The following ABCB1 variants were observed in gnomAD, a reference collection of about 807,000 sequenced individuals.
ABCB1 encodes ATP binding cassette subfamily B member 1, also known as ATP-dependent translocase ABCB1.
A neutral mutation model predicts 142.0 loss-of-function variants in ABCB1; 69 were observed. That is an observed-to-expected ratio of 0.49 (90% CI 0.40 to 0.59). The LOEUF (loss-of-function observed/expected upper bound fraction) is 0.59, where lower values mean the gene tolerates loss of function less well. Ranked by LOEUF, ABCB1 falls within the 20% of genes least tolerant of loss-of-function variation. The pLI is 0.00. For missense variants in ABCB1, 1,326 were observed against 1,554.7 expected (o/e 0.85, Z 2.47); for synonymous variants, 532 against 539.2 (o/e 0.99, Z 0.18).
intron 6 of ABCB1, among the ~76,000 whole-genome samples, 188 bp downstream of exon 6, chr7:87,566,597 C>T (rs1292765487): frequency 6.6e-6 from 1 of 152,056 alleles, no homozygotes; most frequent in Non-Finnish European, 1.5e-5. Flanking sequence ...CATGCAGGTC[C>T]CCCCATACCC....
At chr7:87,708,239 T>TTCTA (rs922338707) in intron 1 of ABCB1, among the ~76,000 whole-genome samples, 4 of 152,132 alleles carry the variant, frequency 2.6e-5, no homozygotes, top group Admixed American at 6.5e-5. Flanking sequence ...GTTGATAAGC[T>TTCTA]TCTAGCAAGA....
chr7:87,570,347 A>G (rs1817996344), intron 4 of ABCB1, 124 bp from the exon 5 acceptor site: 2 of 958,712 alleles, frequency 2.1e-6, no homozygotes, highest in East Asian at 2.4e-5. Context: ...GAACTGACTC[A>G]GTTTTAATTG....
At chr7:87,628,480 C>G (rs1266889895) in intron 1 of ABCB1, 1 of 195,286 alleles carries the variant, frequency 5.1e-6, no homozygotes, top group Non-Finnish European at 1.0e-5. Flanking sequence ...CGCGCGCGCG[C>G]CGTCTGCTGA....
chr7:87,660,845 A>G (rs1824630615), intron 1 of ABCB1, among the ~76,000 whole-genome samples: 1 of 151,776 alleles, frequency 6.6e-6, no homozygotes, highest in African/African-American at 2.4e-5. Flanking sequence ...AAGTCTTTTT[A>G]TGTTTCTGAA....
chr7:87,634,014 A>G (rs1023597965), intron 1 of ABCB1, among the ~76,000 whole-genome samples: 1 of 152,056 alleles, frequency 6.6e-6, no homozygotes, highest in African/African-American at 2.4e-5. Flanking sequence ...CATGGTGGAG[A>G]GAGTCAAAGG....
chr7:87,569,804 C>CA (rs985853055), intron 5 of ABCB1, among the ~76,000 whole-genome samples: 72 of 152,226 alleles, frequency 4.7e-4, no homozygotes, highest in African/African-American at 1.7e-3. Context: ...CCTCTCACAT[C>CA]AGCCTCCCAA....
chr7:87,674,249 G>A (rs1826103578), intron 1 of ABCB1, among the ~76,000 whole-genome samples: 1 of 152,190 alleles, frequency 6.6e-6, no homozygotes, highest in Non-Finnish European at 1.5e-5. Context: ...CAGGGTACCA[G>A]TGGAAGCGAG....
chr7:87,686,776 GAA>G (rs555870738), intron 1 of ABCB1, among the ~76,000 whole-genome samples: 5 of 106,950 alleles, frequency 4.7e-5, no homozygotes, highest in Non-Finnish European at 6.1e-5. Flanking sequence ...CCCGCCTCTA[GAA>G]AAAAAAAAAA....
intron 23 of ABCB1, 66 bp from the exon 24 acceptor site, chr7:87,516,731 C>CTTTTTTTTTTTTTTGTTT: frequency 1.2e-6 from 1 of 804,614 alleles, no homozygotes; most frequent in Admixed American, 3.3e-5. Context: ...GCTGACACTC[C>CTTTTTTTTTTTTTTGTTT]TTTTTTTTTT....
intron 1 of ABCB1, chr7:87,628,576 CGTGCGTGCGT>C (rs890417314): frequency 1.7e-5 from 5 of 294,390 alleles, no homozygotes; most frequent in African/African-American, 9.3e-5. Context: ...GGAGGTGGTG[CGTGCGTGCGT>C]GTGTGTGTGT....
intron 7 of ABCB1, 124 bp downstream of exon 7, chr7:87,565,946 C>A (rs970871123): frequency 3.5e-6 from 4 of 1,131,316 alleles, no homozygotes; most frequent in African/African-American, 1.5e-5. Context: ...TGATTTTGAA[C>A]AGAAAACGTA....
chr7:87,569,421 T>C (rs986098526), intron 5 of ABCB1, among the ~76,000 whole-genome samples: 1 of 152,040 alleles, frequency 6.6e-6, no homozygotes. Context: ...CTGATTCACC[T>C]ACACGTACCT....
At chr7:87,664,626 A>G (rs1749398012) in intron 1 of ABCB1, among the ~76,000 whole-genome samples, 1 of 152,118 alleles carries the variant, frequency 6.6e-6, no homozygotes, top group Non-Finnish European at 1.5e-5. Flanking sequence ...CATTAACCAG[A>G]TGAGCCTCTA....
Position 87,541,402 on chromosome 7 carries a change from C to T in ABCB1, c.2274G>A (p.Leu758=), listed in dbSNP as rs1584861846. 1 of 1,608,382 alleles carries T rather than the reference C, an allele frequency of 6.2e-7. No individual in the cohort carries two copies. Among genetic ancestry groups the T allele is most frequent in the Non-Finnish European group, 8.5e-7 (1 of 1,174,876 alleles). Reference sequence around the variant, plus strand: ...AAGAAATAATTCCAAGGGCTAGAAACAATAGTGAAAACAAGTTACTATTCT... The same window carrying T: ...AAGAAATAATTCCAAGGGCTAGAAATAATAGTGAAAACAAGTTACTATTCT... ...KRQNSNLFSL[L]FLALGIISFI... The change falls in exon 18 of 28, where the codon TTG becomes TTA. Residue 758 remains leucine, a synonymous_variant. Transcript: ENST00000622132.
At chr7:87,630,153 A>G (rs565031345) in intron 1 of ABCB1, among the ~76,000 whole-genome samples, 1 of 152,182 alleles carries the variant, frequency 6.6e-6, no homozygotes, top group Non-Finnish European at 1.5e-5. Context: ...TCAGATGATG[A>G]TGAAACTTTT....
At chr7:87,664,041 G>A (rs2130470146) in intron 1 of ABCB1, among the ~76,000 whole-genome samples, 1 of 152,260 alleles carries the variant, frequency 6.6e-6, no homozygotes, top group South Asian at 2.1e-4. Flanking sequence ...TTGGAGGCAT[G>A]CAATTCATTT....
chr7:87,541,738 GA>G, intron 17 of ABCB1, among the ~76,000 whole-genome samples: 1 of 152,326 alleles, frequency 6.6e-6, no homozygotes, highest in South Asian at 2.1e-4. Context: ...GTGTAAAGTT[GA>G]AATCAGAACA....
intron 1 of ABCB1, among the ~76,000 whole-genome samples, chr7:87,657,580 C>T (rs1824235637): frequency 6.6e-6 from 1 of 152,150 alleles, no homozygotes; most frequent in Admixed American, 6.6e-5. Flanking sequence ...TCTCTCTTCC[C>T]CAACACCCCC....
intron 1 of ABCB1, among the ~76,000 whole-genome samples, chr7:87,640,510 A>AT (rs947026056): frequency 2.6e-4 from 39 of 149,576 alleles, no homozygotes; most frequent in African/African-American, 7.1e-4. Flanking sequence ...CACCCAGCTA[A>AT]TTTTTTTTTT....
Sources: allele counts gnomAD v4.1 joint callset (sites outside exome capture counted in the v4.1 genomes callset), GRCh38; gene constraint gnomAD v4.1.1; transcripts MANE v1.5; gene names NCBI Gene and HGNC (gene_info 2026-07-23, HGNC 2026-07-21).